Variants in PYROXD2 observed in about 807,000 individuals in gnomAD.
PYROXD2 encodes the protein pyridine nucleotide-disulphide oxidoreductase domain 2.
In PYROXD2, 69 loss-of-function variants were observed where a neutral mutation model predicts 71.1. The observed-to-expected ratio is 0.97, with a 90% confidence interval of 0.80 to 1.19. The LOEUF (loss-of-function observed/expected upper bound fraction) is 1.19, where lower values mean the gene tolerates loss of function less well. Ranked by LOEUF, PYROXD2 falls within the 50% of genes most tolerant of loss-of-function variation. PYROXD2 has a pLI of 0.00. For missense variants in PYROXD2, 745 were observed against 748.9 expected, an observed-to-expected ratio of 0.99 and a Z score of 0.06; for synonymous variants, 287 against 302.7, an observed-to-expected ratio of 0.95 and a Z score of 0.54.
Position 98,414,153 on chromosome 10 carries a change from T to C in PYROXD2, c.127+856A>G, listed in dbSNP as rs192940024. The C allele has an allele frequency of 4.6e-5, 7 of 152,190 alleles. No individual in the cohort carries two copies. The East Asian group carries it at 1.4e-3, about 29-fold the overall frequency. 9.4% of individuals were successfully genotyped at this position (152,190 alleles called of 1,614,324 possible). On this transcript the variant is annotated intron_variant, in intron 1 of 15. Transcript: ENST00000370575. Reference sequence around the variant, plus strand: ...ACATTTTTCCCTGGAGAGGTGAGTGTTGAGTATCTACCAGCTCGCAACTGC... The same window carrying C: ...ACATTTTTCCCTGGAGAGGTGAGTGCTGAGTATCTACCAGCTCGCAACTGC...
chr10:98,389,770 T>C (rs1842885921), intron 12 of PYROXD2, among the ~76,000 whole-genome samples: 2 of 152,228 alleles, frequency 1.3e-5, no homozygotes, highest in South Asian at 4.1e-4. Context: ...GTGCTCATCA[T>C]CAGTGCTTAC....
At chr10:98,386,327 G>GAGGAAGGAAGGAAGGA (rs57195135) in intron 14 of PYROXD2, among the ~76,000 whole-genome samples, 1 of 134,842 alleles carries the variant, frequency 7.4e-6, no homozygotes, top group East Asian at 2.2e-4. Context: ...GGAAGGGAGG[G>GAGGAAGGAAGGAAGGA]AGGAAGGAAG....
In PYROXD2 at chr10:98,384,953, G is replaced by A. The variant is rs762433337; in HGVS notation, c.1669C>T (p.His557Tyr). The A allele has an allele frequency of 4.3e-6, 7 of 1,611,962 alleles. No individual in the cohort carries two copies. The South Asian group carries it at 4.4e-5, about 10-fold the overall frequency. ...GGGACTCCAGGTCACTCACCAGGAT[G>A]AGCCCCACTTCCACAGAGATACAGG... ...QGLYLCGSGA[H>Y]PGGGVMGAAG... is the part of the protein sequence containing the mutation. Residue 557 changes from histidine to tyrosine, a missense_variant, in exon 15 of 16, where the codon CAT becomes TAT. Coordinates refer to ENST00000370575, the MANE Select transcript of PYROXD2 (RefSeq NM_032709.3).
At position 98,412,990 on chromosome 10, in the gene PYROXD2, C is replaced by T. The variant is rs114585558; in HGVS notation, c.127+2019G>A. On this transcript the variant is annotated intron_variant, in intron 1 of 15. Coordinates refer to ENST00000370575, the MANE Select transcript of PYROXD2 (RefSeq NM_032709.3). ...ATTGATATAAACTAAATTATATAAG[C>T]TTACAATTAAATAAATTAAAAACAA... is the stretch of plus-strand genomic sequence containing the variant. Among the ~76,000 whole-genome samples, 765 of 152,272 alleles carry T rather than the reference C, an allele frequency of 5.0e-3. 6 individuals carry two copies. Among genetic ancestry groups the T allele is most frequent in the African/African-American group, 0.017 (723 of 41,558 alleles).
Position 98,395,400 on chromosome 10 carries a change from G to A in PYROXD2, c.678C>T (p.Pro226=). 1 of 1,614,200 alleles carries A rather than the reference G, an allele frequency of 6.2e-7. No homozygotes were observed. Among genetic ancestry groups the A allele is most frequent in the Non-Finnish European group, 8.5e-7 (1 of 1,180,000 alleles). The part of the protein sequence containing the change: ...LPRYYEVLTA[P]ITKVLDQWFE... ...CTGGGGAACCACTCACCTTGGTAAT[G>A]GGAGCTGTGAGGACCTCATAATATC... The change falls in exon 7 of 16, where the codon CCC becomes CCT. Residue 226 remains proline (P), a synonymous_variant. Transcript: ENST00000370575.
intron 8 of PYROXD2, among the ~76,000 whole-genome samples, 184 bp downstream of exon 8, chr10:98,395,012 C>T (rs1309109761): frequency 3.3e-5 from 5 of 152,170 alleles, no homozygotes; most frequent in South Asian, 2.1e-4. Context: ...TTCTCTGAAC[C>T]GCAGTTCTCA....
At chr10:98,405,910 C>G (rs1397355604) in intron 4 of PYROXD2, among the ~76,000 whole-genome samples, 4 of 152,206 alleles carry the variant, frequency 2.6e-5, no homozygotes, top group Non-Finnish European at 4.4e-5. Flanking sequence ...TAACATGGCT[C>G]TTGACTTACA....
At chr10:98,411,137 AC>A in intron 1 of PYROXD2, 179 bp from the exon 2 acceptor site, 1 of 830,448 alleles carries the variant, frequency 1.2e-6, no homozygotes, top group Non-Finnish European at 1.9e-6. Context: ...TCCATGAAAC[AC>A]CAGATCTTCA....
chr10:98,400,773 G>A (rs1451620942), intron 4 of PYROXD2, among the ~76,000 whole-genome samples: 1 of 152,218 alleles, frequency 6.6e-6, no homozygotes, highest in Non-Finnish European at 1.5e-5. Flanking sequence ...ATGGGGATAT[G>A]TTCTGAGAAA....
At chr10:98,401,189 G>A (rs1843387130) in intron 4 of PYROXD2, among the ~76,000 whole-genome samples, 1 of 144,760 alleles carries the variant, frequency 6.9e-6, no homozygotes, top group South Asian at 2.3e-4. Context: ...GAAGGCAGAG[G>A]TTGCAGTGAG....
In PYROXD2 at chr10:98,387,224, T is replaced by C. The variant is rs778210180; in HGVS notation, c.1531A>G (p.Arg511Gly). The change falls in exon 14 of 16, where the codon AGA becomes GGA. Residue 511 changes from arginine to glycine, a missense_variant. Arg to Gly is a moderately radical substitution (Grantham distance 125). Coordinates refer to ENST00000370575, the MANE Select transcript of PYROXD2 (RefSeq NM_032709.3). ...RDILTPPDLE[R>G]IFGLPGGNIF... ...ACCCCTCCAGGAAGCCCGAAGATTC[T>C]CTCCAAATCTGGTGGTGTGAGGATG... 8 of 1,613,996 alleles carry C rather than the reference T, an allele frequency of 5.0e-6. No homozygotes were observed. The highest frequency in any genetic ancestry group is 1.7e-6 in the Non-Finnish European group (2 of 1,179,942).
intron 6 of PYROXD2, among the ~76,000 whole-genome samples, chr10:98,396,626 T>A (rs1843192937): frequency 6.6e-6 from 1 of 152,184 alleles, no homozygotes; most frequent in African/African-American, 2.4e-5. Context: ...AATCTAGCAT[T>A]CTTCCTGTAT....
At chr10:98,393,491 AG>A (rs1843024913) in intron 8 of PYROXD2, among the ~76,000 whole-genome samples, 1 of 152,142 alleles carries the variant, frequency 6.6e-6, no homozygotes, top group Non-Finnish European at 1.5e-5. Flanking sequence ...ACCTTTCAAC[AG>A]GAGGTTCTGT....
intron 8 of PYROXD2, among the ~76,000 whole-genome samples, chr10:98,394,266 A>G (rs1843062833): frequency 1.3e-5 from 2 of 152,176 alleles, no homozygotes; most frequent in African/African-American, 2.4e-5. Context: ...TAAGCCTCCC[A>G]GGGATCCGAA....
chr10:98,414,964 T>A (rs2147900), intron 1 of PYROXD2, 45 bp downstream of exon 1: 1 of 1,595,832 alleles, frequency 6.3e-7, no homozygotes, highest in Non-Finnish European at 8.6e-7. Flanking sequence ...AGCAGGGCTG[T>A]CTTCCCGCCC....
At chr10:98,411,107 G>C in intron 1 of PYROXD2, 149 bp from the exon 2 acceptor site, 1 of 1,097,482 alleles carries the variant, frequency 9.1e-7, no homozygotes, top group Non-Finnish European at 1.3e-6. Context: ...CTCAGATGTT[G>C]GAACAGCATC....
chr10:98,390,938 T>A, intron 11 of PYROXD2, 72 bp downstream of exon 11: 1 of 1,387,412 alleles, frequency 7.2e-7, no homozygotes, highest in South Asian at 1.2e-5. Flanking sequence ...TGAGTTCAGC[T>A]GCCCCCAGCC....
At chr10:98,413,604 C>T (rs1044684448) in intron 1 of PYROXD2, among the ~76,000 whole-genome samples, 1 of 152,002 alleles carries the variant, frequency 6.6e-6, no homozygotes, top group Non-Finnish European at 1.5e-5. Context: ...GTCCCAGCTA[C>T]TCGGGAGGCT....
chr10:98,406,459 T>C (rs1205351141), intron 4 of PYROXD2, among the ~76,000 whole-genome samples: 1 of 152,162 alleles, frequency 6.6e-6, no homozygotes, highest in Non-Finnish European at 1.5e-5. Flanking sequence ...CTAGATTTCA[T>C]CCAGTCCTGG....
Sources: gnomAD v4.1 joint callset for allele counts (sites outside exome capture counted in the v4.1 genomes callset) on GRCh38, gnomAD v4.1.1 for gene constraint, MANE v1.5 for transcripts, NCBI Gene and HGNC (gene_info 2026-07-23, HGNC 2026-07-21) for gene names.